PCDH15: variants seen among roughly 807,000 people sequenced by gnomAD.
PCDH15 encodes the protein protocadherin-15.
A neutral mutation model predicts 178.5 loss-of-function variants in PCDH15; 129 were observed. The ratio of observed to expected loss-of-function variants is 0.72; its 90% CI spans 0.63 to 0.84. PCDH15 has a LOEUF of 0.84. Among genes scored for constraint, PCDH15 ranks in the 40% least tolerant of loss-of-function variants. The pLI, the probability that PCDH15 is intolerant of heterozygous loss-of-function variation, is 0.00. For missense variants in PCDH15, 2,230 were observed against 2,099.9 expected (o/e 1.06, Z -1.21); for synonymous variants, 800 against 732.0 (o/e 1.09, Z -1.50).
intron 1 of PCDH15, among the ~76,000 whole-genome samples, chr10:54,677,184 C>T (rs751868202): frequency 8.6e-5 from 13 of 151,918 alleles, no homozygotes; most frequent in Non-Finnish European, 1.3e-4. Flanking sequence ...CCAGCCTGGG[C>T]AAAGTAGCAA....
At chr10:55,317,478 GTT>G (rs11357324) in intron 1 of PCDH15, among the ~76,000 whole-genome samples, 2 of 149,846 alleles carry the variant, frequency 1.3e-5, no homozygotes, top group African/African-American at 2.5e-5. Context: ...GCTTAATAGT[GTT>G]TTTTTTTTCT....
chr10:54,103,030 G>A (rs949867420), intron 15 of PCDH15, among the ~76,000 whole-genome samples: 3 of 152,182 alleles, frequency 2.0e-5, no homozygotes, highest in Non-Finnish European at 4.4e-5. Flanking sequence ...ATGGAAGAAA[G>A]ATTAACAGCA....
At chr10:54,300,879 C>T (rs1472245768) in intron 8 of PCDH15, among the ~76,000 whole-genome samples, 1 of 152,140 alleles carries the variant, frequency 6.6e-6, no homozygotes, top group Non-Finnish European at 1.5e-5. Flanking sequence ...AAAAGCTGGC[C>T]ACCTGAGCTG....
chr10:55,549,942 C>T (rs370169205), intron 2 of PCDH15, among the ~76,000 whole-genome samples: 7 of 151,948 alleles, frequency 4.6e-5, no homozygotes, highest in African/African-American at 9.6e-5. Flanking sequence ...TGTGTGTGTG[C>T]GCATGCGTGC....
At chr10:53,849,727 G>C (rs536081806) in intron 28 of PCDH15, among the ~76,000 whole-genome samples, 3 of 151,736 alleles carry the variant, frequency 2.0e-5, no homozygotes, top group Admixed American at 6.6e-5. Flanking sequence ...AGCCGGGCAT[G>C]GTGGCGGGCA....
At position 54,153,107 on chromosome 10, in the gene PCDH15, C is replaced by T. The variant is rs765508390; in HGVS notation, c.1777G>A (p.Glu593Lys). 1.2e-6 allele frequency: 2 copies of T among 1,613,720 alleles called. No homozygotes were observed. The highest frequency in any genetic ancestry group is 1.7e-6 in the Non-Finnish European group (2 of 1,179,774). Residue 593 changes from glutamate to lysine, a missense_variant, in exon 14 of 38, where the codon GAG becomes AAG. Glu to Lys is a moderately conservative substitution (Grantham distance 56, BLOSUM62 1). Coordinates refer to ENST00000644397, the MANE Select transcript of PCDH15 (RefSeq NM_001384140.1). ...VQAADNAPPA[E>K]RRNSICTVYI... Reference sequence around the variant, plus strand: ...GGTTCTAATATAAATTACCTTCGCTCTGCAGGAGGAGCATTATCCGCTGCT... The same window carrying T: ...GGTTCTAATATAAATTACCTTCGCTTTGCAGGAGGAGCATTATCCGCTGCT...
intron 26 of PCDH15, among the ~76,000 whole-genome samples, chr10:53,883,608 T>C (rs2080889108): frequency 6.6e-6 from 1 of 152,196 alleles, no homozygotes; most frequent in Non-Finnish European, 1.5e-5. Flanking sequence ...GATATGTATG[T>C]TTTTAAGTGA....
intron 2 of PCDH15, among the ~76,000 whole-genome samples, chr10:55,061,536 A>G (rs1841432093): frequency 6.6e-6 from 1 of 152,178 alleles, no homozygotes; most frequent in Admixed American, 6.6e-5. Context: ...ATGATCTAGC[A>G]ATCACACTCC....
intron 2 of PCDH15, among the ~76,000 whole-genome samples, chr10:55,377,954 G>C (rs1247878879): frequency 1.3e-5 from 2 of 152,014 alleles, no homozygotes; most frequent in Admixed American, 1.3e-4. Context: ...AACTGACACA[G>C]GAACAGAAAA....
intron 25 of PCDH15, among the ~76,000 whole-genome samples, chr10:53,930,014 G>C (rs983969973): frequency 9.9e-5 from 15 of 152,128 alleles, no homozygotes; most frequent in African/African-American, 3.6e-4. Context: ...AGCTTCTATA[G>C]ATGTTCTGGG....
intron 1 of PCDH15, among the ~76,000 whole-genome samples, chr10:54,787,335 T>G (rs1950979552): frequency 6.6e-6 from 1 of 151,940 alleles, no homozygotes; most frequent in Non-Finnish European, 1.5e-5. Flanking sequence ...CACAAATATA[T>G]AAAGTGTATG....
chr10:55,167,045 T>A (rs1292314928), intron 1 of PCDH15, among the ~76,000 whole-genome samples: 2 of 152,196 alleles, frequency 1.3e-5, no homozygotes, highest in African/African-American at 4.8e-5. Flanking sequence ...TTTTATGATA[T>A]GGTGTACATA....
At chr10:54,933,015 A>C (rs1471579789) in intron 2 of PCDH15, among the ~76,000 whole-genome samples, 1 of 152,082 alleles carries the variant, frequency 6.6e-6, no homozygotes, top group Non-Finnish European at 1.5e-5. Flanking sequence ...TATCTTTTCT[A>C]TGTTTTGATA....
rs147475893 is a variant in PCDH15, at chr10:55,347,016, C to A, written c.-155-180365G>T. ...GATCACTTGGCTCAGGAGTTCAAGA[C>A]CAGACTGGGCAACATGGCAAAACCC... On this transcript the variant is annotated intron_variant, in intron 2 of 5. Transcript: ENST00000613346. Among the ~76,000 whole-genome samples the A allele has an allele frequency of 3.1e-3, 467 of 151,882 alleles. 1 individual carries two copies. Among genetic ancestry groups the A allele is most frequent in the African/African-American group, 0.011 (447 of 41,406 alleles).
chr10:55,417,549 T>A (rs1838513959), intron 2 of PCDH15, among the ~76,000 whole-genome samples: 1 of 151,712 alleles, frequency 6.6e-6, no homozygotes, highest in African/African-American at 2.4e-5. Flanking sequence ...AAAAAATCTT[T>A]TATTTTAGCA....
chr10:54,657,795 G>A (rs1457619687), intron 2 of PCDH15, among the ~76,000 whole-genome samples: 2 of 152,172 alleles, frequency 1.3e-5, no homozygotes, highest in African/African-American at 4.8e-5. Context: ...GTACAAAAAG[G>A]TAGTAGAGTG....
intron 3 of PCDH15, among the ~76,000 whole-genome samples, chr10:54,442,811 G>A (rs192977529): frequency 6.6e-6 from 1 of 151,390 alleles, no homozygotes; most frequent in Non-Finnish European, 1.5e-5. Flanking sequence ...AGCCCAGTGT[G>A]TTGGCTTTCA....
At chr10:54,059,800 C>A (rs2093977099) in intron 18 of PCDH15, among the ~76,000 whole-genome samples, 1 of 152,180 alleles carries the variant, frequency 6.6e-6, no homozygotes, top group African/African-American at 2.4e-5. Context: ...TTGGAGAATC[C>A]TGTATAGTAG....
intron 21 of PCDH15, among the ~76,000 whole-genome samples, chr10:53,991,096 C>A (rs1435309184): frequency 6.6e-6 from 1 of 152,110 alleles, no homozygotes; most frequent in East Asian, 1.9e-4. Flanking sequence ...ACCCCCCCCA[C>A]CCCCGTGGGC....
Sources: gnomAD v4.1 joint callset for allele counts (sites outside exome capture counted in the v4.1 genomes callset) on GRCh38, gnomAD v4.1.1 for gene constraint, MANE v1.5 for transcripts, NCBI Gene and HGNC (gene_info 2026-07-23, HGNC 2026-07-21) for gene names.